Variants in TMEM132D observed in about 807,000 individuals in gnomAD.
The protein encoded by TMEM132D is mature OL transmembrane protein.
In TMEM132D, 21 loss-of-function variants were observed where a neutral mutation model predicts 62.3. That is an observed-to-expected ratio of 0.34 (90% CI 0.24 to 0.49). TMEM132D has a LOEUF of 0.49. Among genes scored for constraint, TMEM132D ranks in the 20% least tolerant of loss-of-function variants. The probability of loss-of-function intolerance (pLI) is 0.99; values close to 1 mark genes in which losing one functional copy is unlikely to be tolerated. For missense variants in TMEM132D, 1,346 were observed against 1,402.8 expected, an observed-to-expected ratio of 0.96 and a Z score of 0.65; for synonymous variants, 621 against 575.6, an observed-to-expected ratio of 1.08 and a Z score of -1.13.
At chr12:129,336,621 T>C (rs1249897288) in intron 4 of TMEM132D, among the ~76,000 whole-genome samples, 1 of 151,272 alleles carries the variant, frequency 6.6e-6, no homozygotes, top group East Asian at 1.9e-4. Context: ...ACAGGTGCTG[T>C]AGGATGGGAA....
chr12:129,466,336 C>T (rs1168370137), intron 3 of TMEM132D, among the ~76,000 whole-genome samples: 1 of 107,428 alleles, frequency 9.3e-6, no homozygotes, highest in Non-Finnish European at 1.7e-5. Flanking sequence ...GAGATGTGGT[C>T]TCACTCTGTC....
At chr12:129,529,201 C>T (rs1236033903) in intron 3 of TMEM132D, among the ~76,000 whole-genome samples, 1 of 152,072 alleles carries the variant, frequency 6.6e-6, no homozygotes, top group Non-Finnish European at 1.5e-5. Context: ...TCAGAATGTA[C>T]AAAGAGATAA....
At chr12:129,116,932 A>ATAAAT (rs1555230893) in intron 5 of TMEM132D, among the ~76,000 whole-genome samples, 1 of 149,518 alleles carries the variant, frequency 6.7e-6, no homozygotes, top group African/African-American at 2.5e-5. Context: ...AAAAAAAAAA[A>ATAAAT]AAAAAAAAAA....
chr12:129,153,871 G>A (rs528328819), intron 5 of TMEM132D, among the ~76,000 whole-genome samples: 28 of 152,094 alleles, frequency 1.8e-4, no homozygotes, highest in East Asian at 3.9e-4. Context: ...ATCATTTCCC[G>A]GCTCTGGAAA....
intron 3 of TMEM132D, among the ~76,000 whole-genome samples, chr12:129,492,035 C>A (rs1453998465): frequency 6.6e-6 from 1 of 152,146 alleles, no homozygotes; most frequent in Non-Finnish European, 1.5e-5. Context: ...GGGCAAGTGG[C>A]ATTATGAATT....
intron 1 of TMEM132D, among the ~76,000 whole-genome samples, chr12:129,865,319 C>T (rs1051291831): frequency 1.1e-4 from 16 of 152,050 alleles, no homozygotes; most frequent in Admixed American, 4.6e-4. Flanking sequence ...GAATAATGTC[C>T]GGTGTGGCTG....
intron 3 of TMEM132D, among the ~76,000 whole-genome samples, chr12:129,382,457 G>C (rs1447090944): frequency 6.6e-6 from 1 of 152,228 alleles, no homozygotes; most frequent in Non-Finnish European, 1.5e-5. Context: ...GACGGTGCCA[G>C]ATCTGAGGAT....
At chr12:129,892,013 T>C (rs2137394664) in intron 1 of TMEM132D, among the ~76,000 whole-genome samples, 1 of 152,214 alleles carries the variant, frequency 6.6e-6, no homozygotes, top group African/African-American at 2.4e-5. Context: ...ATAAATGCAA[T>C]GGGATAAATT....
intron 2 of TMEM132D, among the ~76,000 whole-genome samples, chr12:129,697,295 A>G (rs1881232210): frequency 6.6e-6 from 1 of 152,222 alleles, no homozygotes. Flanking sequence ...CCAATTCTAA[A>G]TATTTGGAAG....
chr12:129,685,989 C>T (rs187274775), intron 2 of TMEM132D, among the ~76,000 whole-genome samples: 36 of 152,308 alleles, frequency 2.4e-4, no homozygotes, highest in South Asian at 6.2e-4. Flanking sequence ...AATGCCGGTA[C>T]CTCCATTGTA....
intron 5 of TMEM132D, among the ~76,000 whole-genome samples, chr12:129,086,655 T>G (rs994768354): frequency 6.7e-6 from 1 of 148,342 alleles, no homozygotes; most frequent in African/African-American, 2.5e-5. Flanking sequence ...ATATACATAC[T>G]ATATACAACA....
chr12:129,437,139 T>C (rs1053453796), intron 3 of TMEM132D, among the ~76,000 whole-genome samples: 5 of 152,122 alleles, frequency 3.3e-5, no homozygotes, highest in Non-Finnish European at 7.4e-5. Flanking sequence ...TTAGGGTCAA[T>C]GGAATGTGAG....
chr12:129,406,223 TGTAA>T (rs1430430953), intron 3 of TMEM132D, among the ~76,000 whole-genome samples: 6 of 152,330 alleles, frequency 3.9e-5, no homozygotes, highest in Non-Finnish European at 7.3e-5. Context: ...AAGAAAGTTT[TGTAA>T]GTAGTCTTCA....
intron 1 of TMEM132D, among the ~76,000 whole-genome samples, chr12:129,763,847 G>A (rs1454009361): frequency 6.6e-6 from 1 of 152,132 alleles, no homozygotes; most frequent in Non-Finnish European, 1.5e-5. Flanking sequence ...GTCAGCCGCA[G>A]GTGGAACGTA....
At chr12:129,243,338 T>C (rs920131007) in intron 4 of TMEM132D, among the ~76,000 whole-genome samples, 1 of 152,230 alleles carries the variant, frequency 6.6e-6, no homozygotes, top group Non-Finnish European at 1.5e-5. Flanking sequence ...GAATCAGACC[T>C]TGGATTTATG....
At chr12:129,741,454 C>T (rs1037624856) in intron 1 of TMEM132D, among the ~76,000 whole-genome samples, 5 of 152,152 alleles carry the variant, frequency 3.3e-5, no homozygotes, top group African/African-American at 7.2e-5. Context: ...CCTTAACCAC[C>T]TGCTACTCAT....
At chr12:129,236,919 A>C (rs926612298) in intron 4 of TMEM132D, among the ~76,000 whole-genome samples, 1 of 151,812 alleles carries the variant, frequency 6.6e-6, no homozygotes, top group African/African-American at 2.4e-5. Flanking sequence ...TACAGTGATA[A>C]GAGTTTTTAT....
intron 4 of TMEM132D, among the ~76,000 whole-genome samples, chr12:129,316,649 A>G (rs1048911550): frequency 1.3e-5 from 2 of 152,146 alleles, no homozygotes; most frequent in African/African-American, 2.4e-5. Context: ...TTCTGTATAT[A>G]TCTGTTAAGT....
At chr12:129,791,849 G>C (rs558609498) in intron 1 of TMEM132D, among the ~76,000 whole-genome samples, 1 of 152,276 alleles carries the variant, frequency 6.6e-6, no homozygotes, top group Admixed American at 6.5e-5. Context: ...AGCAGACTTA[G>C]ACAATCCACA....
Sources: allele counts gnomAD v4.1 joint callset (sites outside exome capture counted in the v4.1 genomes callset), GRCh38; gene constraint gnomAD v4.1.1; transcripts MANE v1.5; gene names NCBI Gene and HGNC (gene_info 2026-07-23, HGNC 2026-07-21).